SSX2IP: variants seen among roughly 807,000 people sequenced by gnomAD.
SSX2IP encodes SSX family member 2 interacting protein.
A neutral mutation model predicts 84.9 loss-of-function variants in SSX2IP; 55 were observed. That is an observed-to-expected ratio of 0.65 (90% CI 0.52 to 0.81). The LOEUF is 0.81. SSX2IP is among the 30% of genes least tolerant of loss of function. The probability of loss-of-function intolerance (pLI) is 0.00; values close to 1 mark genes in which losing one functional copy is unlikely to be tolerated. For synonymous variants in SSX2IP, 239 were observed against 234.7 expected (o/e 1.02, Z -0.17); for missense variants, 664 against 705.2 (o/e 0.94, Z 0.66).
Position 84,664,476 on chromosome 1 carries a change from T to C in SSX2IP, c.614A>G (p.Tyr205Cys). The C allele has an allele frequency of 6.2e-7, 1 of 1,604,246 alleles. No individual in the cohort carries two copies. The highest frequency in any genetic ancestry group is 1.1e-5 in the South Asian group (1 of 89,160). The change falls in exon 6 of 14, where the codon TAT becomes TGT. Residue 205 changes from tyrosine (Y) to cysteine (C), a missense_variant. Transcript: ENST00000342203. ...ATGTAGACGTTCCTTCAGTTTATTA[T>C]ATTCACGCTCTTTTCTCTTCATATC... The part of the protein sequence containing the change: ...NHDMKRKERE[Y>C]NKLKERLHQL...
intron 11 of SSX2IP, among the ~76,000 whole-genome samples, chr1:84,653,883 A>C (rs1650699960): frequency 6.9e-6 from 1 of 144,540 alleles, no homozygotes; most frequent in African/African-American, 2.5e-5. Context: ...TCAGATTAAT[A>C]AACATCTGTA....
chr1:84,663,323 C>A (rs1369008914), intron 6 of SSX2IP, among the ~76,000 whole-genome samples: 1 of 152,150 alleles, frequency 6.6e-6, no homozygotes, highest in South Asian at 2.1e-4. Flanking sequence ...GTTTCCAGAA[C>A]TAAATCCTTA....
chr1:84,656,081 A>T (rs1460683741), intron 10 of SSX2IP, 76 bp from the exon 11 acceptor site: 2 of 1,311,464 alleles, frequency 1.5e-6, no homozygotes, highest in African/African-American at 1.5e-5. Context: ...AAGCAAGGGA[A>T]GGCCAGTCAA....
intron 1 of SSX2IP, among the ~76,000 whole-genome samples, chr1:84,682,886 CAATAA>C (rs1655275272): frequency 6.6e-6 from 1 of 152,132 alleles, no homozygotes. Context: ...ATTTTAATAA[CAATAA>C]AATAATTTAT....
At chr1:84,658,969 G>A (rs762896779) in intron 8 of SSX2IP, among the ~76,000 whole-genome samples, 1 of 137,286 alleles carries the variant, frequency 7.3e-6, no homozygotes, top group African/African-American at 2.6e-5. Flanking sequence ...TTTATATAAC[G>A]GGAGATACTT....
chr1:84,648,931 A>G (rs1247601835), intron 13 of SSX2IP, among the ~76,000 whole-genome samples: 2 of 152,170 alleles, frequency 1.3e-5, no homozygotes, highest in African/African-American at 4.8e-5. Flanking sequence ...TTCCACTCCA[A>G]TAGTGCCTCC....
intron 1 of SSX2IP, among the ~76,000 whole-genome samples, chr1:84,687,142 ATTG>A (rs1655913862): frequency 6.6e-6 from 1 of 152,220 alleles, no homozygotes; most frequent in African/African-American, 2.4e-5. Context: ...CGAAGCAGGT[ATTG>A]TTATTATCCT....
At position 84,664,499 on chromosome 1, in the gene SSX2IP, A is replaced by G; in HGVS notation, c.591T>C (p.Asp197=). The change falls in exon 6 of 14, where the codon GAT becomes GAC. Residue 197 remains aspartate, a synonymous_variant. Coordinates refer to ENST00000342203, the MANE Select transcript of SSX2IP (RefSeq NM_001166293.2). ...TATATTCACGCTCTTTTCTCTTCAT[A>G]TCATGATTATACTGAGTAGCTCGAC... ...IASRATQYNH[D]MKRKEREYNK... The G allele has an allele frequency of 6.2e-7, 1 of 1,604,888 alleles. No homozygotes were observed. The highest frequency in any genetic ancestry group is 8.5e-7 in the Non-Finnish European group (1 of 1,176,738).
intron 9 of SSX2IP, 73 bp from the exon 10 acceptor site, chr1:84,656,557 T>G: frequency 7.6e-7 from 1 of 1,309,844 alleles, no homozygotes; most frequent in Non-Finnish European, 1.0e-6. Context: ...CACATATCTT[T>G]AAAACAAGGG....
At chr1:84,655,371 T>C (rs1650928494) in intron 11 of SSX2IP, 2 of 1,197,758 alleles carry the variant, frequency 1.7e-6, no homozygotes, top group African/African-American at 3.2e-5. Context: ...AATATGTAGA[T>C]GACACATTGC....
chr1:84,667,253 A>G (rs919833119), intron 4 of SSX2IP, among the ~76,000 whole-genome samples: 7 of 152,092 alleles, frequency 4.6e-5, no homozygotes, highest in Non-Finnish European at 1.0e-4. Context: ...TTAGTGAATC[A>G]CATCGCCATC....
chr1:84,658,296 C>T (rs757662171), intron 9 of SSX2IP, 22 bp downstream of exon 9: 1 of 1,613,300 alleles, frequency 6.2e-7, no homozygotes, highest in Non-Finnish European at 8.5e-7. Context: ...ACTCACTTTA[C>T]ATGCATAGAA....
intron 4 of SSX2IP, 48 bp from the exon 5 acceptor site, chr1:84,666,280 A>G (rs755304016): frequency 7.3e-7 from 1 of 1,370,864 alleles, no homozygotes; most frequent in Non-Finnish European, 1.0e-6. Flanking sequence ...AAGGATTTAG[A>G]ATAACTGAAT....
chr1:84,645,743 T>C lies in SSX2IP; in HGVS notation c.*1690A>G, dbSNP rs905800612. The C allele has an allele frequency of 6.6e-6, 1 of 152,110 alleles. No individual in the cohort carries two copies. Among genetic ancestry groups the C allele is most frequent in the Non-Finnish European group, 1.5e-5 (1 of 68,000 alleles). The allele number at this position is 152,110 out of a possible 1,614,324, so 9.4% of individuals were successfully genotyped here. A position where few individuals can be genotyped will look rare whatever the true frequency, so the allele number is the denominator to read the frequency against. On this transcript the variant is annotated 3_prime_UTR_variant, in exon 14 of 14. Transcript: ENST00000342203. ...AAAAACAAAAACAACAAAAATCCTA[T>C]ATCCCAGCTAGATTTCTTCCTTTAG... is the stretch of plus-strand genomic sequence containing the variant.
chr1:84,658,866 T>C (rs189427534), intron 8 of SSX2IP, among the ~76,000 whole-genome samples: 2 of 152,378 alleles, frequency 1.3e-5, no homozygotes, highest in East Asian at 3.9e-4. Flanking sequence ...AACTTGTTTC[T>C]AATCCTAGGC....
chr1:84,656,152 C>G (rs746019910), intron 10 of SSX2IP, 147 bp from the exon 11 acceptor site: 154 of 949,128 alleles, frequency 1.6e-4, no homozygotes, highest in Non-Finnish European at 2.2e-4. Flanking sequence ...TTCTCATTTC[C>G]CGAAACCTAC....
In SSX2IP at chr1:84,647,422, A is replaced by G; in HGVS notation, c.*11T>C. On this transcript the variant is annotated 3_prime_UTR_variant, in exon 14 of 14. Coordinates refer to ENST00000342203, the MANE Select transcript of SSX2IP (RefSeq NM_001166293.2). ...TGAACACATTAATGAAAAAAATTCC[A>G]GTCCACATGTCTAAGGTAAGTCATC... is the stretch of plus-strand genomic sequence containing the variant. The G allele has an allele frequency of 2.6e-6, 4 of 1,552,476 alleles. No homozygotes were observed. Among genetic ancestry groups the G allele is most frequent in the African/African-American group, 1.4e-5 (1 of 72,858 alleles).
intron 1 of SSX2IP, chr1:84,680,401 G>A (rs1557525815): frequency 6.6e-6 from 1 of 152,014 alleles, no homozygotes; most frequent in Non-Finnish European, 1.5e-5. Flanking sequence ...CAAAAGGAGA[G>A]TAAAAGCAGT....
Position 84,644,687 on chromosome 1 carries a change from A to G in SSX2IP, c.*2746T>C, listed in dbSNP as rs1649272134. ...GGCTTTCAAATGTTCCACCAGGGGC[A>G]GTCAAGACTAGATTCACGGTGCTCT... On this transcript the variant is annotated 3_prime_UTR_variant, in exon 14 of 14. Coordinates refer to ENST00000342203, the MANE Select transcript of SSX2IP (RefSeq NM_001166293.2). 1 of 152,214 alleles carries G rather than the reference A, an allele frequency of 6.6e-6. No individual in the cohort carries two copies. Among genetic ancestry groups the G allele is most frequent in the Non-Finnish European group, 1.5e-5 (1 of 68,032 alleles). 9.4% of individuals were successfully genotyped at this position (152,214 alleles called of 1,614,324 possible).
Sources: gnomAD v4.1 joint callset for allele counts (sites outside exome capture counted in the v4.1 genomes callset) on GRCh38, gnomAD v4.1.1 for gene constraint, MANE v1.5 for transcripts, NCBI Gene and HGNC (gene_info 2026-07-23, HGNC 2026-07-21) for gene names.